Variants in RANBP17 observed in about 807,000 individuals in gnomAD.
The protein encoded by RANBP17 is RAN binding protein 17.
A neutral mutation model predicts 141.2 loss-of-function variants in RANBP17; 158 were observed. The observed-to-expected ratio is 1.12, with a 90% CI of 0.98 to 1.28. The LOEUF is 1.28. Among genes scored for constraint, RANBP17 ranks in the 50% most tolerant of loss-of-function variants. The probability of loss-of-function intolerance (pLI) is 0.00; values close to 1 mark genes in which losing one functional copy is unlikely to be tolerated. For synonymous variants in RANBP17, 430 were observed against 450.0 expected, an observed-to-expected ratio of 0.96 and a Z score of 0.56; for missense variants, 1,438 against 1,290.7, an observed-to-expected ratio of 1.11 and a Z score of -1.75.
chr5:170,960,825 T>C (rs1292733932), intron 13 of RANBP17, among the ~76,000 whole-genome samples: 1 of 152,238 alleles, frequency 6.6e-6, no homozygotes, highest in Non-Finnish European at 1.5e-5. Context: ...ATTAGCCTCA[T>C]TTTCTGCCAT....
At chr5:171,127,731 A>G (rs1377891935) in intron 14 of RANBP17, among the ~76,000 whole-genome samples, 1 of 152,216 alleles carries the variant, frequency 6.6e-6, no homozygotes, top group Non-Finnish European at 1.5e-5. Context: ...AGATGAGGTG[A>G]AAAGGGAACT....
At chr5:170,942,998 G>C (rs145611858) in intron 12 of RANBP17, among the ~76,000 whole-genome samples, 26 of 152,210 alleles carry the variant, frequency 1.7e-4, no homozygotes, top group African/African-American at 6.0e-4. Flanking sequence ...TGCAGTTTTA[G>C]TAAAATAACA....
intron 14 of RANBP17, among the ~76,000 whole-genome samples, chr5:171,004,558 A>G (rs1351589595): frequency 2.6e-5 from 4 of 152,168 alleles, no homozygotes; most frequent in Non-Finnish European, 4.4e-5. Flanking sequence ...TCGATTAAAC[A>G]GGGGACGGAC....
At chr5:171,122,467 T>C (rs1756108737) in intron 14 of RANBP17, among the ~76,000 whole-genome samples, 1 of 152,160 alleles carries the variant, frequency 6.6e-6, no homozygotes, top group Non-Finnish European at 1.5e-5. Flanking sequence ...TAAATACACA[T>C]TGAATAGAGC....
chr5:170,918,660 A>G, intron 9 of RANBP17, 53 bp from the exon 10 acceptor site: 3 of 1,435,606 alleles, frequency 2.1e-6, no homozygotes, highest in Non-Finnish European at 2.8e-6. Flanking sequence ...TACTGATTTT[A>G]TTGTCCATAG....
Position 170,871,344 on chromosome 5 carries a change from G to A in RANBP17, c.19-6753G>A, listed in dbSNP as rs144093479. Among the ~76,000 whole-genome samples the A allele has an allele frequency of 2.3e-3, 357 of 152,020 alleles. 1 individual carries two copies. The highest frequency in any genetic ancestry group is 7.8e-3 in the African/African-American group (323 of 41,464). ...TTACAGGTGTGAGCCACCACACCTG[G>A]CCACTACATTTGCCCACTTTTTGAT... On this transcript the variant is annotated intron_variant, in intron 1 of 27. Coordinates refer to ENST00000523189, the MANE Select transcript of RANBP17 (RefSeq NM_022897.5).
At chr5:171,086,812 C>A (rs2127719141) in intron 14 of RANBP17, among the ~76,000 whole-genome samples, 1 of 146,320 alleles carries the variant, frequency 6.8e-6, no homozygotes, top group Non-Finnish European at 1.5e-5. Context: ...TGGTGATATC[C>A]CCTTTATCAT....
intron 14 of RANBP17, among the ~76,000 whole-genome samples, chr5:171,035,733 TTTTG>T (rs1377835927): frequency 2.2e-5 from 3 of 137,618 alleles, no homozygotes; most frequent in African/African-American, 1.0e-4. Flanking sequence ...TTGTTTCTTT[TTTTG>T]TTTTTTTTTT....
chr5:171,103,901 C>T (rs1052514802), intron 14 of RANBP17, among the ~76,000 whole-genome samples: 4 of 152,220 alleles, frequency 2.6e-5, no homozygotes, highest in African/African-American at 4.8e-5. Flanking sequence ...GCCCCACCCA[C>T]CCTTCTTCGG....
intron 14 of RANBP17, among the ~76,000 whole-genome samples, chr5:171,092,107 A>G (rs899402491): frequency 1.3e-5 from 2 of 152,234 alleles, no homozygotes; most frequent in African/African-American, 4.8e-5. Context: ...GGTTCATTCT[A>G]GTAACCCAAG....
intron 23 of RANBP17, among the ~76,000 whole-genome samples, chr5:171,242,410 A>C (rs993801811): frequency 6.6e-6 from 1 of 152,250 alleles, no homozygotes; most frequent in Admixed American, 6.5e-5. Flanking sequence ...ATTCCAATCC[A>C]GAAAAATAAT....
In RANBP17 at chr5:171,047,955, C is replaced by G. The variant is rs74913182; in HGVS notation, c.1710+79578C>G. 5.5e-3 allele frequency among the ~76,000 whole-genome samples: 830 copies of G among 152,204 alleles called. 12 individuals carry two copies. Among genetic ancestry groups the G allele is most frequent in the African/African-American group, 0.019 (803 of 41,540 alleles). On this transcript the variant is annotated intron_variant, in intron 14 of 27. Transcript: ENST00000523189. ...ATATCTGAGAAATCTTTGACTAATT[C>G]TGGTTCACAAATATTTTCTCCTAAA...
intron 14 of RANBP17, among the ~76,000 whole-genome samples, chr5:171,164,697 A>G (rs1759558856): frequency 6.6e-6 from 1 of 152,206 alleles, no homozygotes; most frequent in Non-Finnish European, 1.5e-5. Flanking sequence ...TACATTTCTA[A>G]TCACTTTCCA....
chr5:171,182,366 T>C (rs1760914917), intron 16 of RANBP17, among the ~76,000 whole-genome samples: 2 of 152,184 alleles, frequency 1.3e-5, no homozygotes, highest in African/African-American at 4.8e-5. Context: ...GTATTCATGT[T>C]TCCGATTTCT....
chr5:170,994,108 C>T (rs765952469), intron 14 of RANBP17, among the ~76,000 whole-genome samples: 3 of 151,910 alleles, frequency 2.0e-5, no homozygotes. Context: ...GCTATCTAGA[C>T]CAGGCACTTT....
intron 14 of RANBP17, among the ~76,000 whole-genome samples, chr5:171,149,704 G>A (rs1216665199): frequency 6.6e-6 from 1 of 152,156 alleles, no homozygotes; most frequent in Admixed American, 6.6e-5. Context: ...ATATTAATGT[G>A]TTTTGTAAGC....
At position 170,919,449 on chromosome 5, in the gene RANBP17, A is replaced by G. The variant is rs201514808; in HGVS notation, c.1110A>G (p.Glu370=). 8 of 1,571,430 alleles carry G rather than the reference A, an allele frequency of 5.1e-6. No individual in the cohort carries two copies. Among genetic ancestry groups the G allele is most frequent in the Non-Finnish European group, 6.9e-6 (8 of 1,163,354 alleles). Residue 370 remains glutamate, a synonymous_variant, in exon 11 of 28, where the codon GAA becomes GAG. Coordinates refer to ENST00000523189, the MANE Select transcript of RANBP17 (RefSeq NM_022897.5). ...GCTTTATTTCTTTGTAGCACTGGGAATTTGCTCCTAACAGTGTTCATTATT... is the reference window on the plus strand; with the variant it reads ...GCTTTATTTCTTTGTAGCACTGGGAGTTTGCTCCTAACAGTGTTCATTATT... ...NFTITSLQHW[E]FAPNSVHYLL... is the part of the protein sequence containing the mutation.
At chr5:171,239,956 T>C (rs1439275099) in intron 22 of RANBP17, among the ~76,000 whole-genome samples, 1 of 152,164 alleles carries the variant, frequency 6.6e-6, no homozygotes, top group African/African-American at 2.4e-5. Flanking sequence ...CTCACACAAA[T>C]GTCTCTTTTG....
chr5:170,925,932 T>G (rs1212379322), intron 12 of RANBP17, among the ~76,000 whole-genome samples: 3 of 152,206 alleles, frequency 2.0e-5, no homozygotes, highest in Admixed American at 1.3e-4. Flanking sequence ...CTCAGTTTAT[T>G]TGTGCATTCT....
Sources: allele counts gnomAD v4.1 joint callset (sites outside exome capture counted in the v4.1 genomes callset), GRCh38; gene constraint gnomAD v4.1.1; transcripts MANE v1.5; gene names NCBI Gene and HGNC (gene_info 2026-07-23, HGNC 2026-07-21).